Variants in EEFSEC observed in about 807,000 individuals in gnomAD.
The protein encoded by EEFSEC is eukaryotic elongation factor, selenocysteine-tRNA specific, also known as selenocysteine-specific elongation factor.
A neutral mutation model predicts 42.1 loss-of-function variants in EEFSEC; 43 were observed. The ratio of observed to expected loss-of-function variants is 1.02; its 90% CI spans 0.80 to 1.32. The LOEUF (loss-of-function observed/expected upper bound fraction) is 1.32, where lower values mean the gene tolerates loss of function less well. Ranked by LOEUF, EEFSEC falls within the 40% of genes most tolerant of loss-of-function variation. EEFSEC has a pLI of 0.00. For synonymous variants in EEFSEC, 354 were observed against 339.1 expected (o/e 1.04, Z -0.48); for missense variants, 745 against 803.6 (o/e 0.93, Z 0.88).
chr3:128,189,645 C>A (rs2065501475), intron 1 of EEFSEC, among the ~76,000 whole-genome samples: 1 of 151,644 alleles, frequency 6.6e-6, no homozygotes, highest in Admixed American at 6.6e-5. Flanking sequence ...GCAACCTCTG[C>A]CGCCTTGCCT....
intron 4 of EEFSEC, among the ~76,000 whole-genome samples, chr3:128,340,745 C>T (rs962636810): frequency 2.0e-5 from 3 of 152,172 alleles, no homozygotes; most frequent in African/African-American, 7.2e-5. Flanking sequence ...GACAGGCTTT[C>T]CAGAGCAGTG....
chr3:128,292,900 C>T (rs2066659502), intron 4 of EEFSEC, among the ~76,000 whole-genome samples: 1 of 152,026 alleles, frequency 6.6e-6, no homozygotes, highest in African/African-American at 2.4e-5. Flanking sequence ...TAATTATCAA[C>T]CTTCTTTTCT....
chr3:128,265,387 A>G (rs1347361632), intron 4 of EEFSEC, among the ~76,000 whole-genome samples: 1 of 152,204 alleles, frequency 6.6e-6, no homozygotes, highest in Non-Finnish European at 1.5e-5. Context: ...CCCTCCTTCT[A>G]CTATGATGGC....
intron 1 of EEFSEC, among the ~76,000 whole-genome samples, chr3:128,173,406 T>C (rs765177747): frequency 6.6e-6 from 1 of 152,228 alleles, no homozygotes; most frequent in Non-Finnish European, 1.5e-5. Flanking sequence ...ATGCCTTGTA[T>C]ACTCTGGGTC....
intron 5 of EEFSEC, among the ~76,000 whole-genome samples, chr3:128,347,772 A>G (rs2067330602): frequency 1.3e-5 from 2 of 152,208 alleles, no homozygotes; most frequent in South Asian, 2.1e-4. Context: ...GTACATACCA[A>G]ACATAAAAAT....
chr3:128,234,918 A>C (rs966049371), intron 1 of EEFSEC, among the ~76,000 whole-genome samples: 2 of 152,242 alleles, frequency 1.3e-5, no homozygotes, highest in Admixed American at 6.5e-5. Flanking sequence ...TTGTAAGCTC[A>C]GTGCCTGTTA....
At chr3:128,256,081 A>G (rs924313072) in intron 2 of EEFSEC, among the ~76,000 whole-genome samples, 2 of 152,120 alleles carry the variant, frequency 1.3e-5, no homozygotes, top group Non-Finnish European at 2.9e-5. Flanking sequence ...TCCATCTGGG[A>G]CTGTGCTTGG....
At chr3:128,417,492 A>G in the EEFSEC span, among the ~76,000 whole-genome samples, 1 of 150,638 alleles carries the variant, frequency 6.6e-6, no homozygotes, top group African/African-American at 2.4e-5. This position sits in a 1 kb window ranked among gnomAD's most constrained non-coding sequence, Gnocchi z 4.3. Flanking sequence ...CCACATTCCC[A>G]CCCGCTGTTT....
the EEFSEC span, among the ~76,000 whole-genome samples, chr3:128,414,502 G>A: frequency 1.1e-4 from 17 of 152,190 alleles, no homozygotes; most frequent in Admixed American, 1.3e-4. Flanking sequence ...GGACTCCAGA[G>A]CTGGGGCTCA....
At chr3:128,225,144 A>G (rs989621929) in intron 1 of EEFSEC, among the ~76,000 whole-genome samples, 1 of 152,256 alleles carries the variant, frequency 6.6e-6, no homozygotes, top group Non-Finnish European at 1.5e-5. Flanking sequence ...TTTCTGGAAG[A>G]CAGGGCTGGA....
intron 6 of EEFSEC, among the ~76,000 whole-genome samples, chr3:128,384,608 G>T (rs545867939): frequency 5.9e-5 from 9 of 152,232 alleles, no homozygotes; most frequent in Non-Finnish European, 1.3e-4. Context: ...GGATGGAGTG[G>T]AGGGTACAAG....
intron 3 of EEFSEC, among the ~76,000 whole-genome samples, chr3:128,263,210 A>G (rs1044417491): frequency 6.6e-6 from 1 of 152,214 alleles, no homozygotes; most frequent in Non-Finnish European, 1.5e-5. Context: ...GGCTGAAATT[A>G]TTTATCCCCA....
chr3:128,204,773 G>A (rs186064247), intron 1 of EEFSEC, among the ~76,000 whole-genome samples: 33 of 152,214 alleles, frequency 2.2e-4, no homozygotes, highest in Admixed American at 9.8e-4. Flanking sequence ...GCGTCAGTGA[G>A]ACCCTCCCGA....
chr3:128,374,595 C>T (rs1676352620), intron 6 of EEFSEC, among the ~76,000 whole-genome samples: 1 of 152,092 alleles, frequency 6.6e-6, no homozygotes, highest in African/African-American at 2.4e-5. Flanking sequence ...AATAAAGGCA[C>T]ACTGAATAAA....
intron 4 of EEFSEC, among the ~76,000 whole-genome samples, chr3:128,293,318 G>A (rs1423676668): frequency 6.6e-6 from 1 of 152,188 alleles, no homozygotes; most frequent in Non-Finnish European, 1.5e-5. Context: ...GTTCAGAGTA[G>A]AAAAGCTTCC....
chr3:128,355,808 A>T (rs570245148), intron 5 of EEFSEC, among the ~76,000 whole-genome samples: 1 of 152,258 alleles, frequency 6.6e-6, no homozygotes, highest in Non-Finnish European at 1.5e-5. Flanking sequence ...GAAGCAATAA[A>T]CAAGTAAACA....
chr3:128,341,151 T>C, intron 4 of EEFSEC, 82 bp from the exon 5 acceptor site: 1 of 1,498,546 alleles, frequency 6.7e-7, no homozygotes, highest in African/African-American at 1.4e-5. Context: ...AAGCACAGGA[T>C]TCTCTAGCTG....
intron 6 of EEFSEC, among the ~76,000 whole-genome samples, chr3:128,390,023 T>C (rs944386493): frequency 7.9e-5 from 12 of 152,254 alleles, no homozygotes; most frequent in African/African-American, 2.7e-4. Flanking sequence ...GTCATGGGTA[T>C]GCTACCACCA....
chr3:128,233,053 A>G (rs1193049173), intron 1 of EEFSEC, among the ~76,000 whole-genome samples: 3 of 152,200 alleles, frequency 2.0e-5, no homozygotes, highest in Non-Finnish European at 4.4e-5. Flanking sequence ...TGCCTGGCGC[A>G]TCATTAATGC....
Sources: allele counts gnomAD v4.1 joint callset (sites outside exome capture counted in the v4.1 genomes callset), GRCh38; gene constraint gnomAD v4.1.1; non-coding constraint Gnocchi (gnomAD v3.1); transcripts MANE v1.5; gene names NCBI Gene and HGNC (gene_info 2026-07-23, HGNC 2026-07-21).